The following SUGCT variants were observed in gnomAD, a reference collection of about 807,000 sequenced individuals.
The protein encoded by SUGCT is succinyl-CoA:glutarate CoA-transferase.
A neutral mutation model predicts 55.0 loss-of-function variants in SUGCT; 41 were observed. The ratio of observed to expected loss-of-function variants is 0.74; its 90% CI spans 0.58 to 0.97. SUGCT has a LOEUF of 0.97. Among genes scored for constraint, SUGCT ranks in the 50% least tolerant of loss-of-function variants. The pLI, the probability that SUGCT is intolerant of heterozygous loss-of-function variation, is 0.00. For missense variants in SUGCT, 568 were observed against 547.8 expected (o/e 1.04, Z -0.37); for synonymous variants, 187 against 200.4 (o/e 0.93, Z 0.56).
chr7:40,739,133 C>T lies in SUGCT; in HGVS notation c.1090-10301C>T, dbSNP rs543496829. Among the ~76,000 whole-genome samples, 401 of 152,212 alleles carry T rather than the reference C, an allele frequency of 2.6e-3. 1 individual carries two copies. Among genetic ancestry groups the T allele is most frequent in the African/African-American group, 9.3e-3 (387 of 41,534 alleles). ...AATGGTAACTTCTTGCAAAACTATACCACAATATCACATTGAGGGCATTGA... is the reference window on the plus strand; with the variant it reads ...AATGGTAACTTCTTGCAAAACTATATCACAATATCACATTGAGGGCATTGA... On this transcript the variant is annotated intron_variant, in intron 12 of 13. Transcript: ENST00000335693.
intron 9 of SUGCT, among the ~76,000 whole-genome samples, chr7:40,439,068 A>ATATATGTGTGTGTGTGTG (rs1417774581): frequency 1.5e-4 from 5 of 34,456 alleles, no homozygotes; most frequent in African/African-American, 6.6e-4. Flanking sequence ...TATGGTGTAT[A>ATATATGTGTGTGTGTGTG]TATATATATA....
At chr7:40,741,437 T>G (rs1293638453) in intron 12 of SUGCT, among the ~76,000 whole-genome samples, 1 of 152,174 alleles carries the variant, frequency 6.6e-6, no homozygotes, top group Non-Finnish European at 1.5e-5. Context: ...TAAGATACCA[T>G]TTCACAGTGA....
the SUGCT span, among the ~76,000 whole-genome samples, chr7:41,035,598 C>G: frequency 1.4e-4 from 21 of 152,156 alleles, no homozygotes; most frequent in African/African-American, 4.6e-4. Context: ...AGTTAAATAT[C>G]TTTTTTGAAA....
chr7:40,315,713 G>C (rs148763463), intron 8 of SUGCT, among the ~76,000 whole-genome samples: 6 of 152,148 alleles, frequency 3.9e-5, no homozygotes, highest in Admixed American at 1.3e-4. Context: ...CTCAATTTGG[G>C]GTATGTTTTA....
At chr7:40,461,618 C>T (rs1229898724) in intron 11 of SUGCT, among the ~76,000 whole-genome samples, 1 of 152,190 alleles carries the variant, frequency 6.6e-6, no homozygotes, top group East Asian at 1.9e-4. Context: ...AACAGAAGTA[C>T]AATCAACGTT....
intron 11 of SUGCT, among the ~76,000 whole-genome samples, chr7:40,483,192 C>T (rs749218690): frequency 7.2e-5 from 11 of 152,002 alleles, no homozygotes; most frequent in African/African-American, 1.9e-4. Context: ...ATTGTAGACT[C>T]GAGGCTGGAT....
chr7:40,140,086 T>C, intron 1 of SUGCT, among the ~76,000 whole-genome samples: 1 of 151,990 alleles, frequency 6.6e-6, no homozygotes, highest in East Asian at 1.9e-4. Context: ...GTGTGTTTAG[T>C]AGAGACAGGG....
intron 8 of SUGCT, among the ~76,000 whole-genome samples, chr7:40,309,909 A>G (rs1031972075): frequency 1.4e-5 from 2 of 141,692 alleles, no homozygotes; most frequent in Admixed American, 1.4e-4. Flanking sequence ...AAAAAAAAAC[A>G]CATGACCATG....
At chr7:40,391,905 C>G (rs1248373203) in intron 9 of SUGCT, among the ~76,000 whole-genome samples, 2 of 152,090 alleles carry the variant, frequency 1.3e-5, no homozygotes, top group African/African-American at 2.4e-5. Flanking sequence ...CAATGATAGA[C>G]TGGATTAAGA....
chr7:40,138,700 T>A (rs1375183317), intron 1 of SUGCT, among the ~76,000 whole-genome samples: 2 of 152,198 alleles, frequency 1.3e-5, no homozygotes, highest in Non-Finnish European at 2.9e-5. Flanking sequence ...TTCTGTTGTG[T>A]GTAAGATGAT....
rs888962133 is a variant in SUGCT at position 40,429,809 on chromosome 7, C to G, written c.817-19478C>G. On this transcript the variant is annotated intron_variant, in intron 9 of 13. Coordinates refer to ENST00000335693, the MANE Select transcript of SUGCT (RefSeq NM_001193313.2). ...AATATTTTGCATCATTCAATCTAAT[C>G]AAGTTGACACTTAATATTAACCATC... is the stretch of plus-strand genomic sequence containing the variant. Among the ~76,000 whole-genome samples, 3 of 152,150 alleles carry G rather than the reference C, an allele frequency of 2.0e-5. No homozygotes were observed. The South Asian group carries it at 6.2e-4, about 32-fold the overall frequency.
At chr7:40,881,054 C>A in the SUGCT span, among the ~76,000 whole-genome samples, 1 of 152,212 alleles carries the variant, frequency 6.6e-6, no homozygotes, top group Non-Finnish European at 1.5e-5. Flanking sequence ...CAGAACATAA[C>A]TTCTACCTTA....
chr7:40,935,332 A>G, the SUGCT span, among the ~76,000 whole-genome samples: 1 of 151,088 alleles, frequency 6.6e-6, no homozygotes, highest in Non-Finnish European at 1.5e-5. Flanking sequence ...TGCAACCATC[A>G]CTTCCATTGA....
chr7:40,766,723 C>T (rs1245802547), intron 13 of SUGCT, among the ~76,000 whole-genome samples: 1 of 152,142 alleles, frequency 6.6e-6, no homozygotes, highest in Non-Finnish European at 1.5e-5. Context: ...TTAGCAAATA[C>T]ACATATTTTT....
the SUGCT span, among the ~76,000 whole-genome samples, chr7:40,988,254 T>C: frequency 2.0e-5 from 3 of 148,856 alleles, no homozygotes; most frequent in South Asian, 6.6e-4. Flanking sequence ...AGATGTTTAA[T>C]TTAAATGTGT....
chr7:40,832,577 C>T lies in SUGCT; in HGVS notation c.1154-27739C>T, dbSNP rs75016608. Reference sequence around the variant, plus strand: ...GGTTTTTTTTGTTTTTTTTTTTTCCCGGATGTGAGCACTCCTAGCCACAAA... The same window carrying T: ...GGTTTTTTTTGTTTTTTTTTTTTCCTGGATGTGAGCACTCCTAGCCACAAA... On this transcript the variant is annotated intron_variant, in intron 13 of 13. Transcript: ENST00000335693. Among the ~76,000 whole-genome samples, 297 of 114,752 alleles carry T rather than the reference C, an allele frequency of 2.6e-3. 1 individual carries two copies. The highest frequency in any genetic ancestry group is 8.9e-3 in the African/African-American group (288 of 32,466). The allele number at this position is 114,752 out of a possible 152,430, so 75.3% of individuals were successfully genotyped here. A position where few individuals can be genotyped will look rare whatever the true frequency, so the allele number is the denominator to read the frequency against.
In SUGCT at chr7:40,285,491, T is replaced by TGG. The variant is rs746210298; in HGVS notation, c.720+10835_720+10836insGG. Among the ~76,000 whole-genome samples the TGG allele has an allele frequency of 3.9e-3, 569 of 146,552 alleles. 7 individuals are homozygous for TGG. The highest frequency in any genetic ancestry group is 0.012 in the African/African-American group (493 of 39,876). On this transcript the variant is annotated intron_variant, in intron 8 of 13. Transcript: ENST00000335693. The stretch of plus-strand genomic sequence containing the variant: ...TATTTATTCTTGTTTTTTTCTTTTT[T>TGG]CGGGGGGGGGCAAGAATTTTATTTA...
chr7:40,563,779 T>G (rs910772310), intron 12 of SUGCT, among the ~76,000 whole-genome samples: 4 of 151,888 alleles, frequency 2.6e-5, no homozygotes, highest in African/African-American at 4.8e-5. Flanking sequence ...TCTTATGGCT[T>G]TCTGCAATCT....
At position 40,656,535 on chromosome 7, in the gene SUGCT, T is replaced by G. The variant is rs150751523; in HGVS notation, c.1090-92899T>G. Among the ~76,000 whole-genome samples the G allele has an allele frequency of 5.3e-5, 8 of 152,326 alleles. No homozygotes were observed. The East Asian group carries it at 1.4e-3, about 26-fold the overall frequency. On this transcript the variant is annotated intron_variant, in intron 12 of 13. Coordinates refer to ENST00000335693, the MANE Select transcript of SUGCT (RefSeq NM_001193313.2). ...AGAAAACTCTTCCTTCTGTCCCACA[T>G]GTAACCAATTCCAGATGTGAAACTG...
Sources: gnomAD v4.1 joint callset for allele counts (sites outside exome capture counted in the v4.1 genomes callset) on GRCh38, gnomAD v4.1.1 for gene constraint, MANE v1.5 for transcripts, NCBI Gene and HGNC (gene_info 2026-07-23, HGNC 2026-07-21) for gene names.